Variants in PHIP observed in about 807,000 individuals in gnomAD.
PHIP encodes the protein PH-interacting protein.
PHIP carries 54 observed loss-of-function variants against 236.8 expected under a neutral mutation model. That is an observed-to-expected ratio of 0.23 (90% CI 0.18 to 0.29). The LOEUF is 0.29. Ranked by LOEUF, PHIP falls within the 10% of genes least tolerant of loss-of-function variation. The probability of loss-of-function intolerance (pLI) is 1.00; values close to 1 mark genes in which losing one functional copy is unlikely to be tolerated. For missense variants in PHIP, 1,370 were observed against 2,190.8 expected (o/e 0.63, Z 7.48); for synonymous variants, 756 against 718.9 (o/e 1.05, Z -0.83).
In PHIP at chr6:78,990,994, C is replaced by A; in HGVS notation, c.2202-9G>T. On this transcript the variant is annotated splice_polypyrimidine_tract_variant and intron_variant, in intron 19 of 39. Coordinates refer to ENST00000275034, the MANE Select transcript of PHIP (RefSeq NM_017934.7). The stretch of plus-strand genomic sequence containing the variant: ...TCCATTCTTCTTGCCTACTGAAAGA[C>A]AAAAGCCATATGCATTAATCTAGAA... 2 of 1,526,380 alleles carry A rather than the reference C, an allele frequency of 1.3e-6. No individual in the cohort carries two copies. The allele number at this position is 1,526,380 out of a possible 1,614,324, so 94.6% of individuals were successfully genotyped here.
intron 16 of PHIP, among the ~76,000 whole-genome samples, chr6:79,003,150 C>T (rs1248982390): frequency 2.0e-5 from 3 of 152,000 alleles, no homozygotes; most frequent in Non-Finnish European, 4.4e-5. Flanking sequence ...TGTAGTGCCA[C>T]CTGCAGTTAT....
intron 35 of PHIP, among the ~76,000 whole-genome samples, chr6:78,948,646 T>C (rs924349063): frequency 6.6e-6 from 1 of 152,012 alleles, no homozygotes; most frequent in Non-Finnish European, 1.5e-5. Flanking sequence ...AGGCAGGCGC[T>C]ACCACACCCA....
In PHIP at chr6:78,967,969, C is replaced by A. The variant is rs144793658; in HGVS notation, c.3205+1866G>T. Among the ~76,000 whole-genome samples the A allele has an allele frequency of 1.8e-3, 266 of 151,572 alleles. 1 individual carries two copies. Among genetic ancestry groups the A allele is most frequent in the African/African-American group, 6.1e-3 (252 of 41,272 alleles). ...CTAACGCGGTGAAACCCTGTCTCTA[C>A]TAAAAATACAAAAAAAAAATTAGCC... On this transcript the variant is annotated intron_variant, in intron 27 of 39. Coordinates refer to ENST00000275034, the MANE Select transcript of PHIP (RefSeq NM_017934.7).
Position 78,963,175 on chromosome 6 carries a change from C to G in PHIP, c.3457G>C (p.Asp1153His). 6.2e-7 allele frequency: 1 copy of G among 1,611,752 alleles called. No individual in the cohort carries two copies. Among genetic ancestry groups the G allele is most frequent in the Non-Finnish European group, 8.5e-7 (1 of 1,178,904 alleles). The change falls in exon 30 of 40, where the codon GAT becomes CAT. Residue 1153 changes from aspartate (D) to histidine (H), a missense_variant. By Grantham distance (81) the Asp-to-His change is moderately conservative. Transcript: ENST00000275034. ...ECRSLIYKPL[D>H]GEWGTNPRDE... ...CTGGGATTGGTACCCCATTCTCCATCAAGAGGTTTATAGATTAGTGATCTG... is the reference window on the plus strand; with the variant it reads ...CTGGGATTGGTACCCCATTCTCCATGAAGAGGTTTATAGATTAGTGATCTG...
intron 7 of PHIP, among the ~76,000 whole-genome samples, chr6:79,031,021 G>C (rs1771648342): frequency 6.6e-6 from 1 of 151,970 alleles, no homozygotes; most frequent in South Asian, 2.1e-4. Flanking sequence ...TCGGCTCACT[G>C]CAACCTCCGC....
intron 27 of PHIP, among the ~76,000 whole-genome samples, chr6:78,967,279 G>A (rs1236945141): frequency 1.3e-5 from 2 of 152,128 alleles, no homozygotes; most frequent in Non-Finnish European, 2.9e-5. Flanking sequence ...GCATACTAGT[G>A]ACACTTAACA....
At chr6:79,001,256 T>C (rs1416501970) in intron 17 of PHIP, among the ~76,000 whole-genome samples, 15 of 152,114 alleles carry the variant, frequency 9.9e-5, no homozygotes, top group Admixed American at 9.2e-4. Flanking sequence ...GGAAAGCAGT[T>C]TGTAGACTTT....
At chr6:78,979,383 T>C (rs1401387945) in intron 23 of PHIP, among the ~76,000 whole-genome samples, 1 of 152,058 alleles carries the variant, frequency 6.6e-6, no homozygotes, top group Non-Finnish European at 1.5e-5. Context: ...CAAAATGCTA[T>C]CAATTTTATA....
At chr6:78,992,329 A>C (rs1224703118) in intron 19 of PHIP, among the ~76,000 whole-genome samples, 1 of 152,212 alleles carries the variant, frequency 6.6e-6, no homozygotes, top group East Asian at 1.9e-4. Flanking sequence ...ACATTTTGTA[A>C]AACATGGTAC....
intron 32 of PHIP, chr6:78,958,129 G>C (rs1766546581): frequency 6.0e-6 from 1 of 167,524 alleles, no homozygotes; most frequent in Non-Finnish European, 1.3e-5. Context: ...GGTTAGAAGA[G>C]TTAATGTAGG....
intron 6 of PHIP, among the ~76,000 whole-genome samples, chr6:79,048,210 A>T (rs1772600217): frequency 6.6e-6 from 1 of 152,132 alleles, no homozygotes; most frequent in Non-Finnish European, 1.5e-5. Flanking sequence ...ATGTAAATTT[A>T]ACTTTACTAC....
chr6:79,032,785 C>T (rs1164037874), intron 7 of PHIP, among the ~76,000 whole-genome samples: 2 of 151,206 alleles, frequency 1.3e-5, no homozygotes, highest in South Asian at 2.1e-4. Flanking sequence ...TCTAGAATGG[C>T]GATAATAATC....
rs1245792124 is a variant in PHIP, at chr6:78,982,951, C to G, written c.2704G>C (p.Val902Leu). 6.2e-7 allele frequency: 1 copy of G among 1,601,992 alleles called. No homozygotes were observed. The highest frequency in any genetic ancestry group is 8.5e-7 in the Non-Finnish European group (1 of 1,174,944). Residue 902 changes from valine to leucine, a missense_variant, in exon 23 of 40, where the codon GTA becomes CTA. By Grantham distance (32) the Val-to-Leu change is conservative. Coordinates refer to ENST00000275034, the MANE Select transcript of PHIP (RefSeq NM_017934.7). ...QKQIKKEKKK[V>L]NEEKDGPISP... ...ATTGGTCCATCTTTTTCTTCATTTA[C>G]TTTTTTCTTTTCCTTTTTAATCTGT...
rs775303658 is a variant in PHIP, at chr6:79,015,828, A to G, written c.1236-45T>C. Reference sequence around the variant, plus strand: ...TTACACTGACTATTAAAATACTGACACAACAAAAACCAAAACATATAATCT... The same window carrying G: ...TTACACTGACTATTAAAATACTGACGCAACAAAAACCAAAACATATAATCT... On this transcript the variant is annotated intron_variant, in intron 13 of 39. Coordinates refer to ENST00000275034, the MANE Select transcript of PHIP (RefSeq NM_017934.7). 3 of 1,368,018 alleles carry G rather than the reference A, an allele frequency of 2.2e-6. No homozygotes were observed. The South Asian group carries it at 3.8e-5, about 17-fold the overall frequency. The allele number at this position is 1,368,018 out of a possible 1,614,324, so 84.7% of individuals were successfully genotyped here.
intron 17 of PHIP, 80 bp from the exon 18 acceptor site, chr6:78,998,471 T>C: frequency 9.0e-7 from 1 of 1,113,632 alleles, no homozygotes; most frequent in Non-Finnish European, 1.3e-6. Context: ...ACTTATGAGT[T>C]CAGAATTAAA....
At chr6:78,981,864 TGG>T (rs1768559316) in intron 23 of PHIP, among the ~76,000 whole-genome samples, 1 of 151,998 alleles carries the variant, frequency 6.6e-6, no homozygotes. Context: ...GCATTCTCTT[TGG>T]TAAAGCTTCC....
intron 4 of PHIP, among the ~76,000 whole-genome samples, chr6:79,074,350 CG>C (rs1288569385): frequency 6.6e-6 from 1 of 151,594 alleles, no homozygotes; most frequent in Non-Finnish European, 1.5e-5. Context: ...CTCTAGATCT[CG>C]TAAATATGCA....
chr6:78,963,524 A>G (rs1358110776), intron 29 of PHIP, among the ~76,000 whole-genome samples: 1 of 152,202 alleles, frequency 6.6e-6, no homozygotes, highest in East Asian at 1.9e-4. Flanking sequence ...TGCAGAAATC[A>G]TTTCTATAAA....
At chr6:78,955,109 G>A in intron 34 of PHIP, 123 bp downstream of exon 34, 2 of 881,858 alleles carry the variant, frequency 2.3e-6, no homozygotes, top group African/African-American at 3.5e-5. Flanking sequence ...CATACATTTT[G>A]TAATTGAAAC....
Sources: gnomAD v4.1 joint callset for allele counts (sites outside exome capture counted in the v4.1 genomes callset) on GRCh38, gnomAD v4.1.1 for gene constraint, MANE v1.5 for transcripts, NCBI Gene and HGNC (gene_info 2026-07-23, HGNC 2026-07-21) for gene names.